The following NBPF14 variants were observed in gnomAD, a reference collection of about 807,000 sequenced individuals.
NBPF14 encodes NBPF member 14.
In NBPF14, 104 loss-of-function variants were observed where a neutral mutation model predicts 91.2. The observed-to-expected ratio is 1.14, with a 90% CI of 0.97 to 1.34. The LOEUF (loss-of-function observed/expected upper bound fraction) is 1.34. Ranked by LOEUF, NBPF14 falls within the 40% of genes most tolerant of loss-of-function variation. NBPF14 has a pLI of 0.00. For missense variants in NBPF14, 908 were observed against 783.0 expected (o/e 1.16, Z -1.91); for synonymous variants, 294 against 303.8 (o/e 0.97, Z 0.34).
At chr1:148,534,553 C>T (rs1432413009) in intron 69 of NBPF14, 131 bp downstream of exon 69, 3 of 723,232 alleles carry the variant, frequency 4.1e-6, no homozygotes, top group African/African-American at 3.5e-5. Flanking sequence ...TCATTACAAC[C>T]TATATGCGCC....
exon 63 of NBPF14, chr1:148,539,514 G>A (rs1655532459): frequency 2.0e-5 from 6 of 295,106 alleles, no homozygotes; most frequent in African/African-American, 1.5e-4. Context: ...TGAAGGAGTC[G>A]AATAACATCT....
chr1:148,566,027 G>C (rs1274397968), intron 29 of NBPF14, 116 bp downstream of exon 29: 3 of 252,666 alleles, frequency 1.2e-5, no homozygotes, highest in East Asian at 9.0e-5. Context: ...TGTGCCTATA[G>C]GTCCTCCCTG....
chr1:148,595,598 C>T, exon 2 of NBPF14: 1 of 1,578,186 alleles, frequency 6.3e-7, no homozygotes, highest in Non-Finnish European at 8.6e-7. Flanking sequence ...GAAAACATTT[C>T]TCTTTGAGGT....
intron 70 of NBPF14, among the ~76,000 whole-genome samples, chr1:148,533,470 C>G (rs1207990518): frequency 0.045 from 6,855 of 150,718 alleles, 247 homozygotes; most frequent in African/African-American, 0.16. Flanking sequence ...GAGACAGAGA[C>G]AGAGAGAAAG....
chr1:148,576,402 A>T lies in NBPF14; in HGVS notation c.2078+8T>A. The T allele has an allele frequency of 2.1e-6, 1 of 468,716 alleles. No individual in the cohort carries two copies. Among genetic ancestry groups the T allele is most frequent in the Non-Finnish European group, 3.6e-6 (1 of 275,302 alleles). 29.0% of individuals were successfully genotyped at this position (468,716 alleles called of 1,614,324 possible). A position where few individuals can be genotyped will look rare whatever the true frequency, so the allele number is the denominator to read the frequency against. On this transcript the variant is annotated splice_region_variant and intron_variant, in intron 16 of 70. Transcript: ENST00000619423. ...CAGAATTAAGCATCCATAATTGCTC[A>T]AAGTTACCTGGGGCATGATGGGTCT... is the stretch of plus-strand genomic sequence containing the variant.
intron 69 of NBPF14, 90 bp downstream of exon 69, chr1:148,534,594 T>G (rs1376408081): frequency 1.1e-6 from 1 of 870,822 alleles, no homozygotes; most frequent in Non-Finnish European, 2.0e-6. Context: ...ATGACATCTC[T>G]CGGGTGAGTA....
At chr1:148,534,415 T>G (rs1654543425) in intron 69 of NBPF14, among the ~76,000 whole-genome samples, 1 of 151,776 alleles carries the variant, frequency 6.6e-6, no homozygotes, top group Admixed American at 6.6e-5. Flanking sequence ...TCTCTGAATT[T>G]GTCACATCTG....
chr1:148,595,343 C>T (rs1377573074), intron 2 of NBPF14, among the ~76,000 whole-genome samples, 200 bp downstream of exon 2: 22 of 148,512 alleles, frequency 1.5e-4, no homozygotes, highest in South Asian at 8.7e-4. Context: ...CCACCCCCAT[C>T]TGATTGCAAA....
At chr1:148,557,090 AG>A in intron 40 of NBPF14, among the ~76,000 whole-genome samples, 1 of 77,862 alleles carries the variant, frequency 1.3e-5, no homozygotes, top group African/African-American at 9.5e-5. Context: ...ACACACACAG[AG>A]AGAGAGAGAG....
Position 148,572,715 on chromosome 1 carries a change from A to G in NBPF14, c.2586-100T>C, listed in dbSNP as rs1485119741. 5.1e-5 allele frequency: 33 copies of G among 648,334 alleles called. 2 individuals are homozygous for G. Among genetic ancestry groups the G allele is most frequent in the South Asian group, 3.1e-4 (20 of 65,302 alleles). 40.2% of individuals were successfully genotyped at this position (648,334 alleles called of 1,614,324 possible). A position where few individuals can be genotyped will look rare whatever the true frequency, so the allele number is the denominator to read the frequency against. ...CTAACGTAAGGAAGAGTTTGAAAAG[A>G]AAAAGGACAGATCCATTAATGAGGT... On this transcript the variant is annotated intron_variant, in intron 20 of 70. Transcript: ENST00000619423.
At chr1:148,572,738 G>T (rs1261490367) in intron 20 of NBPF14, 123 bp from the exon 21 acceptor site, 5 of 582,232 alleles carry the variant, frequency 8.6e-6, no homozygotes, top group East Asian at 3.0e-5. Context: ...CCATTAATGA[G>T]GTAACAAATT....
At chr1:148,534,633 C>G (rs1437508593) in intron 69 of NBPF14, 51 bp downstream of exon 69, 3 of 891,388 alleles carry the variant, frequency 3.4e-6, no homozygotes, top group Admixed American at 3.4e-5. Context: ...AATATCACCC[C>G]TATCTGGAAG....
At chr1:148,559,350 T>A (rs1657184960) in intron 37 of NBPF14, among the ~76,000 whole-genome samples, 1 of 129,288 alleles carries the variant, frequency 7.7e-6, no homozygotes, top group Non-Finnish European at 1.5e-5. Context: ...ATTTTTCCAA[T>A]CGATTTAAAG....
exon 71 of NBPF14, chr1:148,532,310 G>T (rs1281157092): frequency 6.4e-6 from 1 of 155,432 alleles, no homozygotes; most frequent in Non-Finnish European, 1.4e-5. Flanking sequence ...CAGAGTCCTG[G>T]GTGACATGCT....
intron 21 of NBPF14, 92 bp downstream of exon 21, chr1:148,572,351 T>C (rs1659229820): frequency 3.2e-6 from 1 of 310,500 alleles, no homozygotes; most frequent in Middle Eastern, 7.2e-4. Context: ...CAATGACGTC[T>C]CTCGGGTCAG....
chr1:148,561,802 A>AACAC (rs1370506557), intron 34 of NBPF14, among the ~76,000 whole-genome samples: 1 of 95,614 alleles, frequency 1.0e-5, no homozygotes, highest in Non-Finnish European at 2.2e-5. Context: ...CACACACACA[A>AACAC]ACACACACAC....
chr1:148,586,616 GAGAA>G (rs1385678666), intron 8 of NBPF14, 147 bp from the exon 9 acceptor site: 2 of 790,298 alleles, frequency 2.5e-6, no homozygotes, highest in African/African-American at 3.5e-5. Context: ...CTGTGGCCAA[GAGAA>G]AGAATAGAAA....
Position 148,560,174 on chromosome 1 carries a change from A to T in NBPF14, c.4557-209T>A, listed in dbSNP as rs1459260707. On this transcript the variant is annotated intron_variant, in intron 36 of 70. Coordinates refer to ENST00000619423, the Ensembl canonical transcript of NBPF14. ...GAAAGACAGAGAGAGAGAGACAGAG[A>T]CAGAGACAGAGACAGAGACAGAGAG... is the stretch of plus-strand genomic sequence containing the variant. Among the ~76,000 whole-genome samples the T allele has an allele frequency of 7.3e-5, 11 of 151,282 alleles. 1 individual carries two copies. The South Asian group carries it at 1.9e-3, about 26-fold the overall frequency.
At position 148,561,592 on chromosome 1, in the gene NBPF14, GA is replaced by G. The variant is rs1657721713; in HGVS notation, c.4275-14del. The G allele has an allele frequency of 2.8e-6, 1 of 353,296 alleles. No individual in the cohort carries two copies. The highest frequency in any genetic ancestry group is 5.2e-5 in the East Asian group (1 of 19,318). The allele number at this position is 353,296 out of a possible 1,614,324, so 21.9% of individuals were successfully genotyped here. On this transcript the variant is annotated splice_polypyrimidine_tract_variant and intron_variant, in intron 34 of 70. Coordinates refer to ENST00000619423, the Ensembl canonical transcript of NBPF14. ...CTCCCTGCTGAGCCTGGAAAAGGAGGAAAAAGTAAAGAATAAGCCAGGGGAA... is the reference window on the plus strand; with the variant it reads ...CTCCCTGCTGAGCCTGGAAAAGGAGGAAAAGTAAAGAATAAGCCAGGGGAA...
Sources: allele counts gnomAD v4.1 joint callset (sites outside exome capture counted in the v4.1 genomes callset), GRCh38; gene constraint gnomAD v4.1.1; transcripts MANE v1.5; gene names NCBI Gene and HGNC (gene_info 2026-07-23, HGNC 2026-07-21).